KIF4A: variants seen among roughly 807,000 people sequenced by gnomAD.
KIF4A encodes chromosome-associated kinesin KIF4A.
In KIF4A, 7 loss-of-function variants were observed where a neutral mutation model predicts 105.9. The observed-to-expected ratio is 0.07, with a 90% CI of 0.04 to 0.12. The LOEUF is 0.12. KIF4A is among the 10% of genes least tolerant of loss of function. The pLI is 1.00. For missense variants in KIF4A, 558 were observed against 929.2 expected (o/e 0.60, Z 5.19); for synonymous variants, 281 against 331.3 (o/e 0.85, Z 1.65).
At chrX:70,366,887 G>A (rs1026263811) in intron 15 of KIF4A, among the ~76,000 whole-genome samples, 23 of 111,829 alleles carry the variant, frequency 2.1e-4, no homozygotes, top group African/African-American at 7.2e-4. Context: ...GGGAGTCTAA[G>A]TCTCTTTGTA....
At chrX:70,362,646 C>A (rs746841876) in intron 15 of KIF4A, among the ~76,000 whole-genome samples, 3 of 111,401 alleles carry the variant, frequency 2.7e-5, no homozygotes, top group Non-Finnish European at 5.7e-5. Flanking sequence ...ATTCTCCTGC[C>A]TCAGCCTCCT....
rs1031873780 is a variant in KIF4A, at chrX:70,402,451, G to T, written c.2490-115G>T. ...CAGATGACTTAAACATTATTTAAAT[G>T]ATATTTAACTGATAGCTCCATCCAT... is the stretch of plus-strand genomic sequence containing the variant. On this transcript the variant is annotated intron_variant, in intron 22 of 30. Coordinates refer to ENST00000374403, the MANE Select transcript of KIF4A (RefSeq NM_012310.5). 14 of 864,653 alleles carry T rather than the reference G, an allele frequency of 1.6e-5. No individual in the cohort carries two copies. The South Asian group carries it at 4.0e-4, about 25-fold the overall frequency. The allele number at this position is 864,653 out of a possible 1,213,427, so 71.3% of individuals were successfully genotyped here.
At chrX:70,365,138 A>T (rs1322762649) in intron 15 of KIF4A, among the ~76,000 whole-genome samples, 1 of 111,797 alleles carries the variant, frequency 8.9e-6, no homozygotes, top group Admixed American at 9.6e-5. Flanking sequence ...TAAGGAGATT[A>T]TGTGCTGAGA....
chrX:70,357,899 G>T lies in KIF4A; in HGVS notation c.1674+4092G>T, dbSNP rs180901111. On this transcript the variant is annotated intron_variant, in intron 15 of 30. Transcript: ENST00000374403. Reference sequence around the variant, plus strand: ...TGGTATGGTTTCCTGTTGTTTTTTTGTTGTTGTTGTTATTATTGTTGTTTT... The same window carrying T: ...TGGTATGGTTTCCTGTTGTTTTTTTTTTGTTGTTGTTATTATTGTTGTTTT... Among the ~76,000 whole-genome samples, 656 of 110,233 alleles carry T rather than the reference G, an allele frequency of 6.0e-3. 2 individuals are homozygous for T. The highest frequency in any genetic ancestry group is 0.016 in the African/African-American group (493 of 30,242).
intron 10 of KIF4A, among the ~76,000 whole-genome samples, chrX:70,341,322 AT>A (rs2085971556): frequency 8.9e-6 from 1 of 111,845 alleles, no homozygotes; most frequent in African/African-American, 3.2e-5. Flanking sequence ...AAATATATTT[AT>A]GTTGATTAGG....
chrX:70,313,407 T>G (rs1310905403), intron 7 of KIF4A, among the ~76,000 whole-genome samples: 1 of 111,789 alleles, frequency 8.9e-6, no homozygotes, highest in Non-Finnish European at 1.9e-5. Flanking sequence ...TTTTTTTTTC[T>G]TTTATTAAAC....
intron 15 of KIF4A, among the ~76,000 whole-genome samples, chrX:70,371,056 G>A (rs2086129721): frequency 1.8e-5 from 2 of 109,633 alleles, no homozygotes; most frequent in Non-Finnish European, 3.8e-5. Context: ...CTCTGATATA[G>A]CCCCACCTAA....
At chrX:70,340,273 T>TA (rs1265144797) in intron 10 of KIF4A, among the ~76,000 whole-genome samples, 1 of 112,248 alleles carries the variant, frequency 8.9e-6, no homozygotes, top group African/African-American at 3.2e-5. Flanking sequence ...GAATAGAGCC[T>TA]AGCCCATAAT....
chrX:70,330,365 T>C, intron 9 of KIF4A, 33 bp downstream of exon 9: 1 of 1,128,783 alleles, frequency 8.9e-7, no homozygotes, highest in Non-Finnish European at 1.2e-6. Flanking sequence ...TGGGAAAAAT[T>C]ACAAGTATGT....
intron 7 of KIF4A, among the ~76,000 whole-genome samples, chrX:70,311,076 G>A (rs750754106): frequency 1.9e-5 from 2 of 107,314 alleles, no homozygotes; most frequent in East Asian, 2.9e-4. Flanking sequence ...AGTGAGCCAA[G>A]ATCGCACCAC....
intron 10 of KIF4A, 98 bp from the exon 11 acceptor site, chrX:70,341,701 T>C: frequency 2.2e-6 from 2 of 903,704 alleles, no homozygotes; most frequent in Non-Finnish European, 3.0e-6. Flanking sequence ...CTAATCCCCC[T>C]ACCTATCCAA....
chrX:70,314,548 CAT>C (rs2085862563), intron 7 of KIF4A, among the ~76,000 whole-genome samples: 1 of 111,418 alleles, frequency 9.0e-6, no homozygotes, highest in Admixed American at 9.6e-5. Flanking sequence ...ATTTGGAGTA[CAT>C]ATTAGAAAAA....
chrX:70,406,555 G>A (rs1275459713), intron 27 of KIF4A, among the ~76,000 whole-genome samples: 2 of 112,199 alleles, frequency 1.8e-5, no homozygotes, highest in Non-Finnish European at 3.8e-5. Context: ...TTTGGGCCAT[G>A]GACAGGCATT....
chrX:70,351,293 A>T (rs2086029516), intron 13 of KIF4A, among the ~76,000 whole-genome samples: 1 of 111,794 alleles, frequency 8.9e-6, no homozygotes. Flanking sequence ...CTCATCCCTC[A>T]CCATCCCCCA....
Position 70,367,921 on chromosome X carries a change from C to T in KIF4A, c.1675-6230C>T, listed in dbSNP as rs888487207. ...CATAGATTTGGTCTTTTCACATAGT[C>T]CCATATTTCTTGGAGGCTTTGTTCA... On this transcript the variant is annotated intron_variant, in intron 15 of 30. Coordinates refer to ENST00000374403, the MANE Select transcript of KIF4A (RefSeq NM_012310.5). 1.8e-5 allele frequency among the ~76,000 whole-genome samples: 2 copies of T among 111,933 alleles called. 1 individual carries two copies. Among genetic ancestry groups the T allele is most frequent in the Admixed American group, 1.9e-4 (2 of 10,525 alleles).
intron 5 of KIF4A, 36 bp from the exon 6 acceptor site, chrX:70,301,864 T>A: frequency 8.4e-7 from 1 of 1,195,340 alleles, no homozygotes; most frequent in Non-Finnish European, 1.1e-6. Flanking sequence ...ATTTGAAGTA[T>A]AAATCATAAG....
intron 13 of KIF4A, among the ~76,000 whole-genome samples, chrX:70,350,675 ACT>A (rs1305032099): frequency 2.7e-5 from 3 of 110,616 alleles, no homozygotes; most frequent in African/African-American, 6.6e-5. Context: ...AAAGAGCGAG[ACT>A]CTGTCTCAAA....
At chrX:70,334,526 T>C (rs779909664) in intron 10 of KIF4A, among the ~76,000 whole-genome samples, 3 of 112,390 alleles carry the variant, frequency 2.7e-5, no homozygotes, top group East Asian at 5.6e-4. Context: ...AGTTCTACTA[T>C]ACACATAAAG....
At chrX:70,343,567 C>T (rs1242952886) in intron 11 of KIF4A, 136 bp from the exon 12 acceptor site, 6 of 515,296 alleles carry the variant, frequency 1.2e-5, no homozygotes, top group Admixed American at 7.7e-5. Context: ...ACTGAATAAC[C>T]AAAGCCCACT....
Sources: allele counts gnomAD v4.1 joint callset (sites outside exome capture counted in the v4.1 genomes callset), GRCh38; gene constraint gnomAD v4.1.1; transcripts MANE v1.5; gene names NCBI Gene and HGNC (gene_info 2026-07-23, HGNC 2026-07-21).